GLI2: variants seen among roughly 807,000 people sequenced by gnomAD.
GLI2 encodes transcription activator GLI2.
GLI2 carries 22 observed loss-of-function variants against 78.9 expected under a neutral mutation model. That is an observed-to-expected ratio of 0.28 (90% CI 0.20 to 0.40). The LOEUF is 0.40. GLI2 is among the 10% of genes least tolerant of loss of function. GLI2 has a pLI of 1.00. For missense variants in GLI2, 2,097 were observed against 2,213.2 expected (o/e 0.95, Z 1.05); for synonymous variants, 974 against 963.7 (o/e 1.01, Z -0.20).
chr2:120,975,085 C>A lies in GLI2; in HGVS notation c.1293C>A (p.Tyr431Ter). Residue 431 changes from tyrosine (Y) to a stop codon, truncating the protein, a stop_gained, in exon 9 of 14, where the codon TAC (tyrosine) becomes TAA (stop). Transcript: ENST00000361492. LOFTEE classifies it high-confidence loss of function. ...NCHWEDCTKE[Y>*]DTQEQLVHHI... Reference sequence around the variant, plus strand: ...ACTGGGAAGACTGCACCAAGGAGTACGACACCCAGGAGCAGCTGGTGCATG... The same window carrying A: ...ACTGGGAAGACTGCACCAAGGAGTAAGACACCCAGGAGCAGCTGGTGCATG... 1 of 1,613,946 alleles carries A rather than the reference C, an allele frequency of 6.2e-7. No individual in the cohort carries two copies. Among genetic ancestry groups the A allele is most frequent in the Non-Finnish European group, 8.5e-7 (1 of 1,180,018 alleles).
intron 1 of GLI2, among the ~76,000 whole-genome samples, chr2:120,778,939 T>C (rs1683760045): frequency 6.6e-6 from 1 of 152,126 alleles, no homozygotes; most frequent in Non-Finnish European, 1.5e-5. Context: ...CAAATGGGAT[T>C]GGGGATGCTT....
chr2:120,914,398 C>T (rs75023065), intron 2 of GLI2, among the ~76,000 whole-genome samples: 7,007 of 152,318 alleles, frequency 0.046, 240 homozygotes, highest in African/African-American at 0.096. Flanking sequence ...GTGCCAGGGT[C>T]CCTGGGAGCC....
intron 2 of GLI2, among the ~76,000 whole-genome samples, chr2:120,809,025 C>T (rs576824825): frequency 8.5e-5 from 13 of 152,188 alleles, no homozygotes; most frequent in African/African-American, 2.4e-4. Flanking sequence ...GAACTACCTC[C>T]GATAATTGAA....
At chr2:120,972,631 G>A in intron 8 of GLI2, 1 of 518,888 alleles carries the variant, frequency 1.9e-6, no homozygotes, top group South Asian at 1.4e-5. Flanking sequence ...GGCGCTATGG[G>A]AGAAGTGCCT....
At chr2:120,930,616 T>C (rs1348244041) in intron 3 of GLI2, among the ~76,000 whole-genome samples, 1 of 152,224 alleles carries the variant, frequency 6.6e-6, no homozygotes, top group African/African-American at 2.4e-5. Flanking sequence ...GCAGCAGCAG[T>C]GTCCCCTGGG....
chr2:120,763,449 G>A (rs576068312), intron 1 of GLI2, among the ~76,000 whole-genome samples: 9 of 152,340 alleles, frequency 5.9e-5, no homozygotes, highest in Middle Eastern at 6.8e-3. Flanking sequence ...GGGGATAAAG[G>A]GAACTGTCTC....
intron 2 of GLI2, among the ~76,000 whole-genome samples, chr2:120,820,467 C>T (rs933119721): frequency 2.0e-5 from 3 of 152,202 alleles, no homozygotes; most frequent in South Asian, 2.1e-4. Context: ...CTGATGCTGG[C>T]GGCAAAGAAG....
At chr2:120,961,874 A>T (rs1389890871) in intron 5 of GLI2, among the ~76,000 whole-genome samples, 1 of 152,066 alleles carries the variant, frequency 6.6e-6, no homozygotes, top group Non-Finnish European at 1.5e-5. Flanking sequence ...TCTGAGGAGG[A>T]TGTTCCTGTC....
intron 2 of GLI2, among the ~76,000 whole-genome samples, chr2:120,856,063 T>A (rs1453873788): frequency 6.6e-6 from 1 of 152,138 alleles, no homozygotes; most frequent in Non-Finnish European, 1.5e-5. Context: ...AAGGGGTCAT[T>A]TGAGGCTCAG....
At chr2:120,856,966 A>C (rs1473648047) in intron 2 of GLI2, among the ~76,000 whole-genome samples, 3 of 152,170 alleles carry the variant, frequency 2.0e-5, no homozygotes, top group African/African-American at 7.2e-5. Context: ...CTGGGCAGGC[A>C]GAAATAATAA....
At chr2:120,897,002 G>A (rs1678003259) in intron 2 of GLI2, among the ~76,000 whole-genome samples, 2 of 152,240 alleles carry the variant, frequency 1.3e-5, no homozygotes, top group South Asian at 2.1e-4. Flanking sequence ...GGGCAGGGGA[G>A]GAACGTGTCC....
chr2:120,846,365 G>A (rs73949940), intron 2 of GLI2, among the ~76,000 whole-genome samples: 5,780 of 152,260 alleles, frequency 0.038, 327 homozygotes, highest in African/African-American at 0.13. Context: ...AAGCCTTTGT[G>A]GGCCTCAGCC....
At chr2:120,744,794 T>G (rs1475135951) in intron 1 of GLI2, among the ~76,000 whole-genome samples, 1 of 152,178 alleles carries the variant, frequency 6.6e-6, no homozygotes. Context: ...CTGGATGAGA[T>G]TCAGGTGGGA....
chr2:120,906,936 G>A (rs750319260), intron 2 of GLI2, among the ~76,000 whole-genome samples: 1 of 152,064 alleles, frequency 6.6e-6, no homozygotes, highest in Non-Finnish European at 1.5e-5. Context: ...CCCTCCATCT[G>A]TCACCCAGTG....
chr2:120,746,463 G>A (rs1682697251), intron 1 of GLI2, among the ~76,000 whole-genome samples: 2 of 152,158 alleles, frequency 1.3e-5, no homozygotes, highest in South Asian at 4.1e-4. Flanking sequence ...TCTGCTCCCC[G>A]GCCAACCCTC....
intron 1 of GLI2, among the ~76,000 whole-genome samples, chr2:120,796,050 C>A (rs1684377458): frequency 6.6e-6 from 1 of 150,604 alleles, no homozygotes; most frequent in African/African-American, 2.5e-5. Context: ...AGCTCAAAAA[C>A]AAACAAACAA....
At chr2:120,930,575 G>A (rs992870350) in intron 3 of GLI2, among the ~76,000 whole-genome samples, 1 of 152,238 alleles carries the variant, frequency 6.6e-6, no homozygotes, top group Non-Finnish European at 1.5e-5. Flanking sequence ...GCACTGCCCC[G>A]AGTCCAGTCG....
chr2:120,751,670 G>GTT (rs1682878328), intron 1 of GLI2, among the ~76,000 whole-genome samples: 1 of 152,120 alleles, frequency 6.6e-6, no homozygotes, highest in Non-Finnish European at 1.5e-5. Flanking sequence ...TGTGGGTAAT[G>GTT]CCCTAGCATC....
At chr2:120,756,805 T>G (rs1481060398) in intron 1 of GLI2, among the ~76,000 whole-genome samples, 1 of 152,214 alleles carries the variant, frequency 6.6e-6, no homozygotes, top group Non-Finnish European at 1.5e-5. Flanking sequence ...TTATCAAATT[T>G]GGAAAATTTT....
Sources: gnomAD v4.1 joint callset for allele counts (sites outside exome capture counted in the v4.1 genomes callset) on GRCh38, gnomAD v4.1.1 for gene constraint, MANE v1.5 for transcripts, NCBI Gene and HGNC (gene_info 2026-07-23, HGNC 2026-07-21) for gene names.